Variants in FRYL observed in about 807,000 individuals in gnomAD.
The protein encoded by FRYL is FRY like transcription coactivator.
FRYL carries 150 observed loss-of-function variants against 351.2 expected under a neutral mutation model. The observed-to-expected ratio is 0.43, with a 90% CI of 0.37 to 0.49. FRYL has a LOEUF of 0.49. Among genes scored for constraint, FRYL ranks in the 20% least tolerant of loss-of-function variants. FRYL has a pLI of 0.00. For synonymous variants in FRYL, 1,153 were observed against 1,257.1 expected, an observed-to-expected ratio of 0.92 and a Z score of 1.75; for missense variants, 3,036 against 3,619.3, an observed-to-expected ratio of 0.84 and a Z score of 4.13.
intron 1 of FRYL, among the ~76,000 whole-genome samples, chr4:48,748,729 T>A (rs535143927): frequency 6.6e-6 from 1 of 152,354 alleles, no homozygotes; most frequent in East Asian, 1.9e-4. Flanking sequence ...TGCAAAATCC[T>A]GCCCTCATGA....
chr4:48,572,083 T>G (rs1376763444), intron 26 of FRYL: 1 of 735,488 alleles, frequency 1.4e-6, no homozygotes. Flanking sequence ...AGATGATGTT[T>G]CAAAGTCCCT....
At chr4:48,671,858 C>CAAAAAAAAAAAAAAAAAAAAA (rs1226492542) in intron 3 of FRYL, among the ~76,000 whole-genome samples, 2 of 22,400 alleles carry the variant, frequency 8.9e-5, no homozygotes, top group African/African-American at 1.3e-4. Context: ...GTCTCAAAAA[C>CAAAAAAAAAAAAAAAAAAAAA]AAAAAAAAAA....
At chr4:48,578,892 T>C in intron 23 of FRYL, 81 bp downstream of exon 23, 2 of 1,240,900 alleles carry the variant, frequency 1.6e-6, no homozygotes, top group Non-Finnish European at 2.3e-6. Flanking sequence ...CAATCTGTAA[T>C]ACTTTTGAAT....
chr4:48,685,723 G>T (rs559944952), intron 2 of FRYL, among the ~76,000 whole-genome samples: 1 of 151,392 alleles, frequency 6.6e-6, no homozygotes, highest in South Asian at 2.1e-4. Context: ...CATTTATAAA[G>T]ATTCCACGTT....
intron 3 of FRYL, among the ~76,000 whole-genome samples, chr4:48,645,703 G>A (rs1203373519): frequency 2.0e-5 from 3 of 152,154 alleles, no homozygotes; most frequent in African/African-American, 7.2e-5. Flanking sequence ...TATGCAGCCA[G>A]GGTTGTGAAC....
At chr4:48,529,507 T>A (rs988449401) in intron 50 of FRYL, among the ~76,000 whole-genome samples, 1 of 152,214 alleles carries the variant, frequency 6.6e-6, no homozygotes, top group African/African-American at 2.4e-5. Flanking sequence ...ACTCCCATGC[T>A]ATTATACATA....
At chr4:48,666,838 G>A (rs533644912) in intron 3 of FRYL, among the ~76,000 whole-genome samples, 1 of 151,874 alleles carries the variant, frequency 6.6e-6, no homozygotes, top group African/African-American at 2.4e-5. Context: ...ATCATCAAAC[G>A]GCCCATTTAA....
At chr4:48,605,959 T>C in intron 10 of FRYL, 126 bp from the exon 11 acceptor site, 1 of 623,618 alleles carries the variant, frequency 1.6e-6, no homozygotes, top group East Asian at 3.0e-5. Context: ...CATCTTCAAG[T>C]CAAAAAACAA....
Position 48,546,252 on chromosome 4 carries a change from T to C in FRYL, c.5094A>G (p.Ile1698Met), listed in dbSNP as rs1350596450. The change falls in exon 42 of 64, where the codon ATA (isoleucine) becomes ATG (methionine). Residue 1698 changes from isoleucine to methionine, a missense_variant. Physicochemically the swap from Ile to Met is conservative, Grantham distance 10. Around this residue, in one of 7 missense-constraint regions of FRYL, gnomAD observed 1,987 missense variants for 2,311.7 expected, o/e 0.86. Coordinates refer to ENST00000358350, the MANE Select transcript of FRYL (RefSeq NM_015030.2). ...YNFTAGINDF[I>M]PDYQPSPMTD... ...TCATAGGGGAGGGCTGGTAATCAGG[T>C]ATAAAATCGTTAATGCCTGCTGAAA... 6.2e-7 allele frequency: 1 copy of C among 1,613,198 alleles called. No homozygotes were observed. Among genetic ancestry groups the C allele is most frequent in the South Asian group, 1.1e-5 (1 of 91,042 alleles).
At chr4:48,731,785 G>A (rs1460103205) in intron 1 of FRYL, among the ~76,000 whole-genome samples, 5 of 152,044 alleles carry the variant, frequency 3.3e-5, no homozygotes, top group African/African-American at 4.8e-5. Context: ...AAATCAACTC[G>A]AGATGGATCA....
intron 59 of FRYL, among the ~76,000 whole-genome samples, chr4:48,508,319 G>A (rs1272474772): frequency 6.6e-6 from 1 of 152,146 alleles, no homozygotes; most frequent in Non-Finnish European, 1.5e-5. Context: ...GAATGAGACT[G>A]CATTAAACCT....
intron 2 of FRYL, among the ~76,000 whole-genome samples, chr4:48,709,113 G>A (rs1011161104): frequency 2.0e-5 from 3 of 151,736 alleles, no homozygotes; most frequent in Admixed American, 2.0e-4. Context: ...GTAGAGACTG[G>A]GTTTCACCGT....
chr4:48,779,951 A>T (rs1331739955), intron 1 of FRYL, 127 bp downstream of exon 1: 3 of 151,636 alleles, frequency 2.0e-5, no homozygotes, highest in Non-Finnish European at 1.5e-5. Context: ...ACCAGGAAGG[A>T]CAGCTGGCGA....
At position 48,564,108 on chromosome 4, in the gene FRYL, T is replaced by A. The variant is rs769352352; in HGVS notation, c.3442-6A>T. 3 of 1,612,206 alleles carry A rather than the reference T, an allele frequency of 1.9e-6. No individual in the cohort carries two copies. The Admixed American group carries it at 5.0e-5, about 27-fold the overall frequency. On this transcript the variant is annotated splice_region_variant and splice_polypyrimidine_tract_variant and intron_variant, in intron 30 of 63. Coordinates refer to ENST00000358350, the MANE Select transcript of FRYL (RefSeq NM_015030.2). ...TCACAGCCCAGCTGGTGAACCTAGG[T>A]AAAGGTTGTGAAATTGCCCGAGAGA...
chr4:48,501,116 A>C (rs1719531801), intron 62 of FRYL, among the ~76,000 whole-genome samples: 1 of 150,886 alleles, frequency 6.6e-6, no homozygotes, highest in Non-Finnish European at 1.5e-5. Context: ...AAAGCTATAG[A>C]AATACGAACA....
At chr4:48,557,270 T>C (rs1386895660) in intron 34 of FRYL, 152 bp from the exon 35 acceptor site, 3 of 1,194,602 alleles carry the variant, frequency 2.5e-6, no homozygotes, top group Non-Finnish European at 3.4e-6. Flanking sequence ...CCAACAAATC[T>C]AAACATAAAT....
At chr4:48,616,083 G>A (rs1578366789) in intron 7 of FRYL, among the ~76,000 whole-genome samples, 1 of 152,096 alleles carries the variant, frequency 6.6e-6, no homozygotes, top group South Asian at 2.1e-4. Flanking sequence ...TGGGGAGCTA[G>A]GGGAGGGACG....
intron 45 of FRYL, 29 bp downstream of exon 45, chr4:48,541,998 A>G (rs765869249): frequency 2.0e-6 from 3 of 1,469,054 alleles, no homozygotes; most frequent in East Asian, 2.3e-5. Context: ...AGTTCTCTCT[A>G]TATTAGGTTG....
At chr4:48,749,577 G>A (rs1160369686) in intron 1 of FRYL, among the ~76,000 whole-genome samples, 4 of 152,156 alleles carry the variant, frequency 2.6e-5, no homozygotes, top group African/African-American at 7.2e-5. Flanking sequence ...ACTTGCGGAG[G>A]ATGGGGCTCC....
Sources: allele counts gnomAD v4.1 joint callset (sites outside exome capture counted in the v4.1 genomes callset), GRCh38; gene constraint gnomAD v4.1.1; regional missense constraint gnomAD v4.1.1; transcripts MANE v1.5; gene names NCBI Gene and HGNC (gene_info 2026-07-23, HGNC 2026-07-21).